Variants in SUCLG2 observed in about 807,000 individuals in gnomAD.
SUCLG2 encodes the protein succinate-CoA ligase GDP-forming subunit beta.
In SUCLG2, 42 loss-of-function variants were observed where a neutral mutation model predicts 47.9. The ratio of observed to expected loss-of-function variants is 0.88; its 90% CI spans 0.69 to 1.14. The LOEUF (loss-of-function observed/expected upper bound fraction) is 1.14. SUCLG2 is among the 50% of genes most tolerant of loss of function. The pLI is 0.00. For missense variants in SUCLG2, 571 were observed against 525.9 expected (o/e 1.09, Z -0.84); for synonymous variants, 195 against 197.3 (o/e 0.99, Z 0.10).
chr3:67,424,506 C>T (rs1010481729), intron 9 of SUCLG2, among the ~76,000 whole-genome samples: 14 of 152,264 alleles, frequency 9.2e-5, no homozygotes, highest in South Asian at 4.1e-4. Context: ...TTTAGAAATA[C>T]GGAATATAGT....
chr3:67,479,649 A>G (rs1334182676), intron 9 of SUCLG2, among the ~76,000 whole-genome samples: 1 of 152,256 alleles, frequency 6.6e-6, no homozygotes, highest in Admixed American at 6.5e-5. Context: ...GAGTGATTAA[A>G]TGCACGAAGA....
intron 1 of SUCLG2, among the ~76,000 whole-genome samples, chr3:67,644,271 T>C (rs927599489): frequency 6.6e-6 from 1 of 152,116 alleles, no homozygotes; most frequent in African/African-American, 2.4e-5. Context: ...AAAAGATATA[T>C]ACACATATCA....
At chr3:67,408,249 G>C (rs1334339874) in intron 9 of SUCLG2, among the ~76,000 whole-genome samples, 1 of 152,116 alleles carries the variant, frequency 6.6e-6, no homozygotes, top group East Asian at 1.9e-4. Context: ...AGCAACTCAT[G>C]TACCTCCAAA....
At chr3:67,397,701 A>C (rs1378938826) in intron 10 of SUCLG2, among the ~76,000 whole-genome samples, 1 of 152,102 alleles carries the variant, frequency 6.6e-6, no homozygotes, top group Non-Finnish European at 1.5e-5. Context: ...AAAAAGAGCC[A>C]GCATTGCCAA....
At chr3:67,383,430 G>T (rs1250083356) in intron 10 of SUCLG2, among the ~76,000 whole-genome samples, 2 of 152,118 alleles carry the variant, frequency 1.3e-5, no homozygotes, top group Admixed American at 6.5e-5. Flanking sequence ...TAAATGCTTT[G>T]TACCCCTAAC....
At chr3:67,614,167 G>A (rs530143840) in intron 1 of SUCLG2, among the ~76,000 whole-genome samples, 2 of 152,258 alleles carry the variant, frequency 1.3e-5, no homozygotes, top group African/African-American at 4.8e-5. Context: ...ATGGAATGGA[G>A]TATAAAGATC....
chr3:67,384,699 C>T (rs1208784738), intron 10 of SUCLG2, among the ~76,000 whole-genome samples: 1 of 152,196 alleles, frequency 6.6e-6, no homozygotes, highest in African/African-American at 2.4e-5. Context: ...AAAAAACCCA[C>T]CTATGGTCTC....
intron 2 of SUCLG2, among the ~76,000 whole-genome samples, chr3:67,575,977 A>G (rs1707731548): frequency 2.0e-5 from 3 of 152,220 alleles, no homozygotes. Context: ...CATTCTTGTC[A>G]CGTGAAATAT....
rs551132770 is a variant in SUCLG2, at chr3:67,585,526, C to T, written c.226+23929G>A. ...CAGGCAAAGGACATTCTTCAGAACACGGATATTCCATCATCTGTCTCCAGC... is the reference window on the plus strand; with the variant it reads ...CAGGCAAAGGACATTCTTCAGAACATGGATATTCCATCATCTGTCTCCAGC... On this transcript the variant is annotated intron_variant, in intron 2 of 10. Transcript: ENST00000307227. Among the ~76,000 whole-genome samples, 32 of 152,264 alleles carry T rather than the reference C, an allele frequency of 2.1e-4. No individual in the cohort carries two copies. In the South Asian group the frequency reaches 6.0e-3, roughly 29 times the overall value.
intron 9 of SUCLG2, among the ~76,000 whole-genome samples, chr3:67,402,860 C>T (rs1702718465): frequency 6.6e-6 from 1 of 152,224 alleles, no homozygotes; most frequent in African/African-American, 2.4e-5. Context: ...CCATCTAAAG[C>T]TTTACGATCA....
chr3:67,653,994 C>A (rs1457796959), intron 1 of SUCLG2, among the ~76,000 whole-genome samples: 1 of 152,234 alleles, frequency 6.6e-6, no homozygotes, highest in African/African-American at 2.4e-5. Flanking sequence ...AACTCAGGCA[C>A]ATTAAAAGTC....
At chr3:67,418,195 G>C (rs1340007071) in intron 9 of SUCLG2, among the ~76,000 whole-genome samples, 3 of 152,122 alleles carry the variant, frequency 2.0e-5, no homozygotes, top group Non-Finnish European at 4.4e-5. Context: ...CCTTTGCAGG[G>C]TTGGTGCCAG....
rs1385309107 is a variant in SUCLG2 at position 67,504,027 on chromosome 3, CATA to C, written c.757+4777_757+4779del. Among the ~76,000 whole-genome samples, 8 of 152,296 alleles carry C rather than the reference CATA, an allele frequency of 5.3e-5. No individual in the cohort carries two copies. The South Asian group carries it at 6.2e-4, about 12-fold the overall frequency. ...ATAAAACAGCAGGAAATAAGACTAT[CATA>C]ATTAGTTTGAAAAATAATCTGTCTT... On this transcript the variant is annotated intron_variant, in intron 7 of 10. Coordinates refer to ENST00000307227, the MANE Select transcript of SUCLG2 (RefSeq NM_003848.4).
intron 9 of SUCLG2, among the ~76,000 whole-genome samples, chr3:67,481,687 G>C (rs1418812001): frequency 1.3e-5 from 2 of 152,180 alleles, no homozygotes; most frequent in Non-Finnish European, 2.9e-5. Context: ...TCTATACTGG[G>C]TTTTTATTGA....
chr3:67,412,928 G>T (rs1702961402), intron 9 of SUCLG2, among the ~76,000 whole-genome samples: 1 of 152,072 alleles, frequency 6.6e-6, no homozygotes, highest in African/African-American at 2.4e-5. Context: ...CAACCTTCTA[G>T]AACTGGAAGG....
intron 10 of SUCLG2, among the ~76,000 whole-genome samples, chr3:67,394,227 C>A (rs1702467684): frequency 6.6e-6 from 1 of 152,054 alleles, no homozygotes; most frequent in African/African-American, 2.4e-5. Context: ...CTACTCCGAG[C>A]TACAGGAGGA....
At chr3:67,443,982 C>T (rs1213325517) in intron 9 of SUCLG2, among the ~76,000 whole-genome samples, 13 of 109,524 alleles carry the variant, frequency 1.2e-4, no homozygotes, top group Non-Finnish European at 2.0e-4. Flanking sequence ...GCCCCCCGCC[C>T]GGCCAGCCGC....
At chr3:67,586,037 T>G (rs943665130) in intron 2 of SUCLG2, among the ~76,000 whole-genome samples, 18 of 148,876 alleles carry the variant, frequency 1.2e-4, no homozygotes, top group Admixed American at 1.3e-4. Context: ...TTTTCCCTGA[T>G]AGATTTTCCT....
chr3:67,401,273 A>G (rs1455792556), intron 9 of SUCLG2, among the ~76,000 whole-genome samples: 1 of 152,194 alleles, frequency 6.6e-6, no homozygotes, highest in Non-Finnish European at 1.5e-5. Flanking sequence ...TTTCAAAATC[A>G]GAAACCATTT....
Sources: gnomAD v4.1 joint callset for allele counts (sites outside exome capture counted in the v4.1 genomes callset) on GRCh38, gnomAD v4.1.1 for gene constraint, MANE v1.5 for transcripts, NCBI Gene and HGNC (gene_info 2026-07-23, HGNC 2026-07-21) for gene names.